ABHD17B: variants seen among roughly 807,000 people sequenced by gnomAD.
The protein encoded by ABHD17B is alpha/beta hydrolase domain-containing protein 17B.
A neutral mutation model predicts 26.2 loss-of-function variants in ABHD17B; 9 were observed. The ratio of observed to expected loss-of-function variants is 0.34; its 90% CI spans 0.21 to 0.60. The LOEUF (loss-of-function observed/expected upper bound fraction) is 0.60, where lower values mean the gene tolerates loss of function less well. Among genes scored for constraint, ABHD17B ranks in the 20% least tolerant of loss-of-function variants. The pLI, the probability that ABHD17B is intolerant of heterozygous loss-of-function variation, is 0.80. For synonymous variants in ABHD17B, 127 were observed against 122.3 expected (o/e 1.04, Z -0.25); for missense variants, 224 against 352.1 (o/e 0.64, Z 2.91).
In ABHD17B at chr9:71,899,859, G is replaced by GAA. The variant is rs5898240; in HGVS notation, c.-4+10773_-4+10774dup. 6.3e-3 allele frequency among the ~76,000 whole-genome samples: 942 copies of GAA among 149,306 alleles called. 3 individuals carry two copies. The highest frequency in any genetic ancestry group is 0.013 in the African/African-American group (521 of 40,748). ...CTCTCTTCCTGCCTTGTCCTTACAG[G>GAA]AAAAAAAAAACACTTTAATTCTACA... On this transcript the variant is annotated intron_variant, in intron 1 of 3. Coordinates refer to ENST00000333421, the MANE Select transcript of ABHD17B (RefSeq NM_001025780.3).
At chr9:71,892,761 G>T (rs566444831) in intron 1 of ABHD17B, among the ~76,000 whole-genome samples, 1 of 141,060 alleles carries the variant, frequency 7.1e-6, no homozygotes, top group South Asian at 2.5e-4. Flanking sequence ...TTGTATCTTG[G>T]TCACTGTAGG....
rs573090617 is a variant in ABHD17B, at chr9:71,906,378, A to G, written c.-4+4256T>C. 5.3e-5 allele frequency among the ~76,000 whole-genome samples: 8 copies of G among 152,348 alleles called. No individual in the cohort carries two copies. In the East Asian group the frequency reaches 1.5e-3, roughly 29 times the overall value. On this transcript the variant is annotated intron_variant, in intron 1 of 3. Transcript: ENST00000333421. ...CCCAGCATTGGTAATTGAATGGCTA[A>G]CATACCTGTTTTAATCTGTAGCTGT...
chr9:71,864,910 T>C (rs1391125695), downstream of ABHD17B, among the ~76,000 whole-genome samples: 1 of 152,160 alleles, frequency 6.6e-6, no homozygotes, highest in Non-Finnish European at 1.5e-5. Context: ...ATGAATAGGA[T>C]CAATATTTAG....
intron 1 of ABHD17B, among the ~76,000 whole-genome samples, chr9:71,894,868 G>A: frequency 6.6e-6 from 1 of 152,000 alleles, no homozygotes; most frequent in African/African-American, 2.4e-5. Flanking sequence ...TTAATCAAAT[G>A]AACCATTTCA....
chr9:71,906,066 A>G (rs1005891100), intron 1 of ABHD17B, among the ~76,000 whole-genome samples: 10 of 152,146 alleles, frequency 6.6e-5, no homozygotes, highest in East Asian at 3.9e-4. Context: ...AAATAAATAA[A>G]TAAGTAAGTA....
chr9:71,867,283 T>C (rs1271314435), intron 3 of ABHD17B, among the ~76,000 whole-genome samples: 3 of 152,208 alleles, frequency 2.0e-5, no homozygotes, highest in Non-Finnish European at 4.4e-5. Context: ...TTCTACAATG[T>C]TGACTTTTGG....
At position 71,865,556 on chromosome 9, in the gene ABHD17B, G is replaced by C; in HGVS notation, c.*1231C>G. On this transcript the variant is annotated 3_prime_UTR_variant, in exon 4 of 4. Transcript: ENST00000333421. ...TCTCAGATAGTAATCCAAAACAATAGGTCCTATTTTTAAAAATAGCTAAAG... is the reference window on the plus strand; with the variant it reads ...TCTCAGATAGTAATCCAAAACAATACGTCCTATTTTTAAAAATAGCTAAAG... The C allele has an allele frequency of 1.0e-6, 1 of 985,232 alleles. No individual in the cohort carries two copies. Among genetic ancestry groups the C allele is most frequent in the Non-Finnish European group, 1.2e-6 (1 of 829,878 alleles). The allele number at this position is 985,232 out of a possible 1,614,324, so 61.0% of individuals were successfully genotyped here. A position where few individuals can be genotyped will look rare whatever the true frequency, so the allele number is the denominator to read the frequency against.
At chr9:71,896,381 T>C (rs1278108085) in intron 1 of ABHD17B, among the ~76,000 whole-genome samples, 2 of 152,212 alleles carry the variant, frequency 1.3e-5, no homozygotes, top group African/African-American at 4.8e-5. Flanking sequence ...TGAAAATATG[T>C]CTACATACGG....
chr9:71,910,331 T>G (rs1039610617), intron 1 of ABHD17B, among the ~76,000 whole-genome samples: 2 of 151,932 alleles, frequency 1.3e-5, no homozygotes, highest in African/African-American at 4.8e-5. Context: ...CTTCTTAGAG[T>G]GTCGGTCGGT....
chr9:71,879,958 C>G (rs1826391851), intron 1 of ABHD17B, among the ~76,000 whole-genome samples: 1 of 152,136 alleles, frequency 6.6e-6, no homozygotes, highest in African/African-American at 2.4e-5. Context: ...GGAAAGGGTA[C>G]TCAGACAAGA....
rs186346824 is a variant in ABHD17B at position 71,872,775 on chromosome 9, T to A, written c.467+1839A>T. 3.4e-3 allele frequency among the ~76,000 whole-genome samples: 513 copies of A among 152,254 alleles called. 2 individuals are homozygous for A. The highest frequency in any genetic ancestry group is 5.9e-3 in the Non-Finnish European group (404 of 67,988). ...GCTTGATGGAACTGATATCAATATA[T>A]GTAAAAGATTTTTATTTAAAGCAGT... On this transcript the variant is annotated intron_variant, in intron 2 of 3. Transcript: ENST00000333421.
intron 1 of ABHD17B, among the ~76,000 whole-genome samples, chr9:71,897,130 C>A (rs191035972): frequency 1.5e-4 from 23 of 152,286 alleles, no homozygotes; most frequent in Non-Finnish European, 2.6e-4. Flanking sequence ...AGAAAAGTTA[C>A]AGAAGTGGCA....
At chr9:71,877,322 T>C (rs1384343165) in intron 1 of ABHD17B, among the ~76,000 whole-genome samples, 1 of 152,362 alleles carries the variant, frequency 6.6e-6, no homozygotes, top group East Asian at 1.9e-4. Flanking sequence ...TCATATACCA[T>C]TGACTGCTGA....
intron 3 of ABHD17B, among the ~76,000 whole-genome samples, chr9:71,868,162 T>C (rs1826010812): frequency 6.6e-6 from 1 of 151,744 alleles, no homozygotes; most frequent in African/African-American, 2.4e-5. Context: ...GAGGTTGCAG[T>C]GAGCCAAGAT....
At chr9:71,870,886 T>C (rs1826092398) in intron 2 of ABHD17B, among the ~76,000 whole-genome samples, 1 of 152,256 alleles carries the variant, frequency 6.6e-6, no homozygotes, top group Non-Finnish European at 1.5e-5. Flanking sequence ...GGTCCAATTA[T>C]TTATGATTAG....
rs377288125 is a variant in ABHD17B, at chr9:71,865,874, A to T, written c.*913T>A. On this transcript the variant is annotated 3_prime_UTR_variant, in exon 4 of 4. Transcript: ENST00000333421. The stretch of plus-strand genomic sequence containing the variant: ...AGACTCCATCTCAAAAAATGAAAAA[A>T]ATAGCCAAAGTGAAAAGGGATCTGA... The T allele has an allele frequency of 5.1e-6, 5 of 985,114 alleles. No individual in the cohort carries two copies. In the African/African-American group the frequency reaches 7.0e-5, roughly 14 times the overall value. 61.0% of individuals were successfully genotyped at this position (985,114 alleles called of 1,614,324 possible). A position where few individuals can be genotyped will look rare whatever the true frequency, so the allele number is the denominator to read the frequency against.
chr9:71,866,678 T>G lies in ABHD17B; in HGVS notation c.*109A>C, dbSNP rs924360419. ...TAACAAATCATTACCTGTACATTTATGAAGGCAACTGACATGATTTGCAAA... is the reference window on the plus strand; with the variant it reads ...TAACAAATCATTACCTGTACATTTAGGAAGGCAACTGACATGATTTGCAAA... On this transcript the variant is annotated 3_prime_UTR_variant, in exon 4 of 4. Coordinates refer to ENST00000333421, the MANE Select transcript of ABHD17B (RefSeq NM_001025780.3). 6.7e-7 allele frequency: 1 copy of G among 1,488,266 alleles called. No individual in the cohort carries two copies. Among genetic ancestry groups the G allele is most frequent in the African/African-American group, 1.4e-5 (1 of 70,746 alleles). The allele number at this position is 1,488,266 out of a possible 1,614,324, so 92.2% of individuals were successfully genotyped here.
chr9:71,896,758 A>AT (rs879490649), intron 1 of ABHD17B, among the ~76,000 whole-genome samples: 9 of 152,106 alleles, frequency 5.9e-5, no homozygotes, highest in Non-Finnish European at 1.3e-4. Flanking sequence ...TCACCTTTTC[A>AT]AAGGCAAATG....
intron 1 of ABHD17B, among the ~76,000 whole-genome samples, chr9:71,889,875 G>C (rs779724889): frequency 5.3e-5 from 8 of 151,972 alleles, no homozygotes; most frequent in Non-Finnish European, 1.2e-4. Flanking sequence ...TTACAATTTT[G>C]GGTCATTTGT....
Sources: gnomAD v4.1 joint callset for allele counts (sites outside exome capture counted in the v4.1 genomes callset) on GRCh38, gnomAD v4.1.1 for gene constraint, MANE v1.5 for transcripts, NCBI Gene and HGNC (gene_info 2026-07-23, HGNC 2026-07-21) for gene names.